The following TMC2 variants were observed in gnomAD, a reference collection of about 807,000 sequenced individuals.
The protein encoded by TMC2 is transmembrane channel like 2.
TMC2 carries 102 observed loss-of-function variants against 105.9 expected under a neutral mutation model. The ratio of observed to expected loss-of-function variants is 0.96; its 90% confidence interval spans 0.82 to 1.14. The LOEUF (loss-of-function observed/expected upper bound fraction) is 1.14. TMC2 is among the 50% of genes most tolerant of loss of function. The pLI is 0.00. For missense variants in TMC2, 1,093 were observed against 1,134.3 expected, an observed-to-expected ratio of 0.96 and a Z score of 0.52; for synonymous variants, 402 against 422.8, an observed-to-expected ratio of 0.95 and a Z score of 0.60.
chr20:2,598,446 G>C (rs939396384), intron 10 of TMC2, among the ~76,000 whole-genome samples: 9 of 147,816 alleles, frequency 6.1e-5, no homozygotes, highest in African/African-American at 2.2e-4. Context: ...ACAGAGTGTC[G>C]CTCTGTCACC....
intron 2 of TMC2, among the ~76,000 whole-genome samples, chr20:2,540,236 G>A (rs752654994): frequency 4.0e-5 from 6 of 151,580 alleles, no homozygotes; most frequent in African/African-American, 7.3e-5. Flanking sequence ...TGATCCACCC[G>A]CCTCAGCCTC....
chr20:2,594,225 CT>C lies in TMC2; in HGVS notation c.934-580del, dbSNP rs565664102. On this transcript the variant is annotated intron_variant, in intron 8 of 19. Coordinates refer to ENST00000358864, the MANE Select transcript of TMC2 (RefSeq NM_080751.3). Reference sequence around the variant, plus strand: ...CCAACTATACTGTTACTAAGGATTCCTTTTTTTTTTTTTTTTTTTTGAGACA... The same window carrying C: ...CCAACTATACTGTTACTAAGGATTCCTTTTTTTTTTTTTTTTTTTGAGACA... 4.4e-3 allele frequency among the ~76,000 whole-genome samples: 504 copies of C among 113,774 alleles called. 5 individuals are homozygous for C. The highest frequency in any genetic ancestry group is 7.4e-3 in the African/African-American group (232 of 31,222). The allele number at this position is 113,774 out of a possible 152,430, so 74.6% of individuals were successfully genotyped here. A position where few individuals can be genotyped will look rare whatever the true frequency, so the allele number is the denominator to read the frequency against.
At chr20:2,583,463 CTT>C (rs372290962) in intron 7 of TMC2, among the ~76,000 whole-genome samples, 6,352 of 138,314 alleles carry the variant, frequency 0.046, 139 homozygotes, top group South Asian at 0.088. Flanking sequence ...CACATAAGCA[CTT>C]TTTTTTTTTT....
At chr20:2,600,674 A>C (rs182699619) in intron 10 of TMC2, among the ~76,000 whole-genome samples, 290 of 152,318 alleles carry the variant, frequency 1.9e-3, no homozygotes, top group African/African-American at 6.6e-3. Context: ...TACAAAAAAA[A>C]TTAGCCGGGC....
chr20:2,579,826 G>C (rs770781395), intron 6 of TMC2, 124 bp from the exon 7 acceptor site: 1 of 595,760 alleles, frequency 1.7e-6, no homozygotes, highest in Non-Finnish European at 3.0e-6. Context: ...GGAAAAGAAA[G>C]GGAGATCCAG....
At chr20:2,632,875 C>CTGGGTGT (rs2086613838) in intron 17 of TMC2, among the ~76,000 whole-genome samples, 1 of 152,254 alleles carries the variant, frequency 6.6e-6, no homozygotes, top group Non-Finnish European at 1.5e-5. Context: ...AGGCGTGAGC[C>CTGGGTGT]ACTGCACCCA....
intron 10 of TMC2, among the ~76,000 whole-genome samples, chr20:2,601,692 T>C (rs1408558488): frequency 6.6e-6 from 1 of 151,608 alleles, no homozygotes; most frequent in Non-Finnish European, 1.5e-5. Context: ...GATATAAAAT[T>C]AGCCAGGCGT....
At chr20:2,569,790 C>G (rs1317338350) in intron 4 of TMC2, among the ~76,000 whole-genome samples, 2 of 152,116 alleles carry the variant, frequency 1.3e-5, no homozygotes, top group African/African-American at 4.8e-5. Context: ...CAGTTCTCAC[C>G]CAGGGCTAAG....
At chr20:2,599,695 G>A (rs937657186) in intron 10 of TMC2, among the ~76,000 whole-genome samples, 3 of 151,660 alleles carry the variant, frequency 2.0e-5, no homozygotes, top group Non-Finnish European at 2.9e-5. Flanking sequence ...TCCCTCCCTG[G>A]CCTCCCAAAG....
intron 19 of TMC2, among the ~76,000 whole-genome samples, chr20:2,639,586 A>T (rs1247567780): frequency 6.6e-6 from 1 of 152,206 alleles, no homozygotes; most frequent in African/African-American, 2.4e-5. Context: ...CAACAACAAA[A>T]TCACCTAATG....
rs1470476081 is a variant in TMC2, at chr20:2,558,015, C to T, written c.83-441C>T. Among the ~76,000 whole-genome samples the T allele has an allele frequency of 1.3e-5, 2 of 152,176 alleles. No individual in the cohort carries two copies. Among genetic ancestry groups the T allele is most frequent in the South Asian group, 2.1e-4 (1 of 4,828 alleles). ...TAGGGAACACAAGAGCCTTCAGAAA[C>T]GAAGACCCAAATATACAGGGAAAAC... On this transcript the variant is annotated intron_variant, in intron 2 of 19. Coordinates refer to ENST00000358864, the MANE Select transcript of TMC2 (RefSeq NM_080751.3). This position sits in a 1 kb window ranked among gnomAD's most constrained non-coding sequence, Gnocchi z 4.6.
At chr20:2,549,601 G>C (rs1235576891) in intron 2 of TMC2, among the ~76,000 whole-genome samples, 3 of 151,966 alleles carry the variant, frequency 2.0e-5, no homozygotes, top group African/African-American at 2.4e-5. Context: ...AAATTAGCCA[G>C]GCATGGTGGC....
intron 10 of TMC2, among the ~76,000 whole-genome samples, chr20:2,601,708 T>C (rs2086352820): frequency 6.6e-6 from 1 of 151,558 alleles, no homozygotes. Flanking sequence ...GGCGTGGTGG[T>C]GCATGCCTGT....
chr20:2,571,978 T>G (rs965169369), intron 4 of TMC2, among the ~76,000 whole-genome samples: 1 of 152,250 alleles, frequency 6.6e-6, no homozygotes, highest in African/African-American at 2.4e-5. Flanking sequence ...CCATGCCTGT[T>G]ATGTACCTCG....
At chr20:2,631,018 A>G (rs892155776) in intron 17 of TMC2, among the ~76,000 whole-genome samples, 1 of 151,724 alleles carries the variant, frequency 6.6e-6, no homozygotes, top group African/African-American at 2.4e-5. Flanking sequence ...TTATTCCTCT[A>G]TTACTGCTTT....
At chr20:2,628,693 A>G (rs989442922) in intron 17 of TMC2, among the ~76,000 whole-genome samples, 2 of 152,108 alleles carry the variant, frequency 1.3e-5, no homozygotes, top group South Asian at 4.1e-4. Context: ...CTTCCCCTTC[A>G]CCTTCCACCT....
chr20:2,589,316 G>GTGTGTGTGTGTGTGTA (rs1202745650), intron 7 of TMC2, among the ~76,000 whole-genome samples: 1 of 150,346 alleles, frequency 6.7e-6, no homozygotes, highest in East Asian at 2.0e-4. Context: ...GTGTGTGTGT[G>GTGTGTGTGTGTGTGTA]TGTGTGTGGA....
At chr20:2,588,116 T>C (rs1400766821) in intron 7 of TMC2, among the ~76,000 whole-genome samples, 1 of 149,104 alleles carries the variant, frequency 6.7e-6, no homozygotes, top group Admixed American at 6.7e-5. Flanking sequence ...AAGCCAAGAG[T>C]TTTCTCTGGC....
intron 6 of TMC2, 34 bp downstream of exon 6, chr20:2,579,261 G>T (rs2086169899): frequency 1.5e-6 from 2 of 1,324,564 alleles, no homozygotes; most frequent in Non-Finnish European, 2.2e-6. Context: ...TTTTTAATTG[G>T]TTTCCTAAAG....
Sources: gnomAD v4.1 joint callset for allele counts (sites outside exome capture counted in the v4.1 genomes callset) on GRCh38, gnomAD v4.1.1 for gene constraint, Gnocchi (gnomAD v3.1) non-coding constraint, MANE v1.5 for transcripts, NCBI Gene and HGNC (gene_info 2026-07-23, HGNC 2026-07-21) for gene names.